Variants in ITIH6 observed in about 807,000 individuals in gnomAD.
The protein encoded by ITIH6 is inter-alpha-trypsin inhibitor heavy chain family member 6.
A neutral mutation model predicts 58.2 loss-of-function variants in ITIH6; 60 were observed. That is an observed-to-expected ratio of 1.03 (90% confidence interval 0.84 to 1.28). The LOEUF (loss-of-function observed/expected upper bound fraction) is 1.28, where lower values mean the gene tolerates loss of function less well. ITIH6 is among the 50% of genes most tolerant of loss of function. The pLI is 0.00. For synonymous variants in ITIH6, 493 were observed against 417.4 expected, an observed-to-expected ratio of 1.18 and a Z score of -2.21; for missense variants, 1,290 against 1,021.1, an observed-to-expected ratio of 1.26 and a Z score of -3.59.
chrX:54,790,915 C>T lies in ITIH6; in HGVS notation c.538G>A (p.Val180Met), dbSNP rs1184980318. 2 of 1,212,354 alleles carry T rather than the reference C, an allele frequency of 1.6e-6. No individual in the cohort carries two copies. The highest frequency in any genetic ancestry group is 3.5e-5 in the South Asian group (2 of 57,062). The change falls in exon 4 of 13, where the codon GTG becomes ATG. Residue 180 changes from valine to methionine, a missense_variant. Coordinates refer to ENST00000218436, the MANE Select transcript of ITIH6 (RefSeq NM_198510.3). ...LVKRLSIEVT[V>M]SERTGISYVH... ...TAGGAGATGCCTGTCCTTTCTGACA[C>T]TGTAACCTCTATGCTCAGCCTCTTC...
At chrX:54,786,943 C>T (rs1173348199) in intron 5 of ITIH6, among the ~76,000 whole-genome samples, 1 of 111,543 alleles carries the variant, frequency 9.0e-6, no homozygotes, top group Non-Finnish European at 1.9e-5. Context: ...ACGAAGGGCA[C>T]ACTCAAGTAG....
chrX:54,778,654 G>A (rs1929096545), intron 5 of ITIH6, among the ~76,000 whole-genome samples: 1 of 111,780 alleles, frequency 8.9e-6, no homozygotes, highest in Non-Finnish European at 1.9e-5. Flanking sequence ...GCCACAGATA[G>A]GCAAATCTAA....
chrX:54,749,613 TCG>T lies in ITIH6; in HGVS notation c.*280_*281del. On this transcript the variant is annotated 3_prime_UTR_variant, in exon 13 of 13. Transcript: ENST00000218436. Reference sequence around the variant, plus strand: ...GTGAGCAGAACTACTGATCATTTTTTCGTTTTACAAAAGTGGCTTGTAGGGCT... The same window carrying T: ...GTGAGCAGAACTACTGATCATTTTTTTTTTACAAAAGTGGCTTGTAGGGCT... 1 of 288,782 alleles carries T rather than the reference TCG, an allele frequency of 3.5e-6. No individual in the cohort carries two copies. The highest frequency in any genetic ancestry group is 6.1e-6 in the Non-Finnish European group (1 of 164,795). 23.8% of individuals were successfully genotyped at this position (288,782 alleles called of 1,213,427 possible).
chrX:54,782,808 T>C (rs1569544229), intron 5 of ITIH6, among the ~76,000 whole-genome samples: 2 of 112,074 alleles, frequency 1.8e-5, no homozygotes, highest in Non-Finnish European at 3.8e-5. Flanking sequence ...TTACAAAAAA[T>C]AGAGGATGAT....
At position 54,758,473 on chromosome X, in the gene ITIH6, T is replaced by C. The variant is rs1383962825; in HGVS notation, c.1601A>G (p.His534Arg). Reference protein sequence around the residue: ...GPKDQLLVAHHSEGATNNSQK... With the variant: ...GPKDQLLVAHRSEGATNNSQK... ...GCTGTTGTTGGTGGCCCCTTCACTG[T>C]GGTGGGCCACAAGAAGCTGATCCTT... is the stretch of plus-strand genomic sequence containing the variant. The change falls in exon 8 of 13, where the codon CAC (histidine) becomes CGC (arginine). Residue 534 changes from histidine (H) to arginine (R), a missense_variant. Physicochemically the swap from His to Arg is conservative, Grantham distance 29. Transcript: ENST00000218436. 7 of 1,208,457 alleles carry C rather than the reference T, an allele frequency of 5.8e-6. No homozygotes were observed. The highest frequency in any genetic ancestry group is 4.4e-5 in the Admixed American group (2 of 45,722).
At chrX:54,787,091 A>C (rs2147619054) in intron 5 of ITIH6, 1 of 111,824 alleles carries the variant, frequency 8.9e-6, no homozygotes, top group Non-Finnish European at 1.9e-5. Context: ...AATGGTAAAG[A>C]ATAAACCTGC....
chrX:54,754,925 C>T, intron 9 of ITIH6, 92 bp downstream of exon 9: 1 of 654,099 alleles, frequency 1.5e-6, no homozygotes, highest in South Asian at 2.7e-5. Context: ...TAATACATTA[C>T]TTCCCTCTGG....
rs768546778 is a variant in ITIH6 at position 54,765,582 on chromosome X, A to G, written c.904-5655T>C. On this transcript the variant is annotated intron_variant, in intron 6 of 12. Transcript: ENST00000218436. Reference sequence around the variant, plus strand: ...GATCAGATAGTTGTAGGTAAGCGGCATTATTTCTTTTCTTTTTTTTTTTTT... The same window carrying G: ...GATCAGATAGTTGTAGGTAAGCGGCGTTATTTCTTTTCTTTTTTTTTTTTT... Among the ~76,000 whole-genome samples the G allele has an allele frequency of 9.1e-4, 92 of 101,009 alleles. 1 individual carries two copies. The highest frequency in any genetic ancestry group is 3.0e-3 in the African/African-American group (83 of 27,802). 87.7% of individuals were successfully genotyped at this position (101,009 alleles called of 115,157 possible).
chrX:54,776,223 C>T (rs1336066097), intron 5 of ITIH6, among the ~76,000 whole-genome samples: 5 of 110,509 alleles, frequency 4.5e-5, no homozygotes, highest in Admixed American at 2.9e-4. Context: ...TGCCTGCATA[C>T]GGAGGGAGCA....
chrX:54,796,722 G>A (rs972652433), intron 2 of ITIH6, among the ~76,000 whole-genome samples: 20 of 110,627 alleles, frequency 1.8e-4, no homozygotes, highest in African/African-American at 6.6e-4. Context: ...AAGAAAGTGG[G>A]TTCTAATTTT....
In ITIH6 at chrX:54,759,916, G is replaced by A. The variant is rs1928600444; in HGVS notation, c.915C>T (p.Ala305=). 8.3e-7 allele frequency: 1 copy of A among 1,206,280 alleles called. No homozygotes were observed. Residue 305 remains alanine, a synonymous_variant, in exon 7 of 13, where the codon GCC becomes GCT. Coordinates refer to ENST00000218436, the MANE Select transcript of ITIH6 (RefSeq NM_198510.3). The stretch of plus-strand genomic sequence containing the variant: ...GAAGGTCACTGAGGATCACATTCAT[G>A]GCCGTTTTAGTCTGTGGGATATGGA... The part of the protein sequence containing the change: ...FGTKMEQTKT[A]MNVILSDLQA...
In ITIH6 at chrX:54,775,520, C is replaced by T. The variant is rs754943562; in HGVS notation, c.787-1323G>A. Among the ~76,000 whole-genome samples the T allele has an allele frequency of 1.4e-4, 16 of 111,547 alleles. No homozygotes were observed. In the South Asian group the frequency reaches 6.1e-3, roughly 42 times the overall value. On this transcript the variant is annotated intron_variant, in intron 5 of 12. Coordinates refer to ENST00000218436, the MANE Select transcript of ITIH6 (RefSeq NM_198510.3). The stretch of plus-strand genomic sequence containing the variant: ...AGGAAAGGAGGTCCTGCCTTGGACC[C>T]CATGCACTCCAAGTGCCCAGCCCCT...
intron 2 of ITIH6, among the ~76,000 whole-genome samples, chrX:54,794,239 G>A (rs1331317946): frequency 9.0e-6 from 1 of 110,603 alleles, no homozygotes; most frequent in African/African-American, 3.3e-5. Context: ...AGGACACTGG[G>A]GCCTCTGTGT....
intron 5 of ITIH6, among the ~76,000 whole-genome samples, chrX:54,786,806 C>T (rs1260189531): frequency 1.8e-5 from 2 of 111,528 alleles, no homozygotes; most frequent in Non-Finnish European, 3.8e-5. Context: ...CACTCAGAGA[C>T]GATAAGTAGG....
chrX:54,767,929 C>G (rs1268446050), intron 6 of ITIH6, among the ~76,000 whole-genome samples: 2 of 85,277 alleles, frequency 2.3e-5, no homozygotes, highest in East Asian at 3.6e-4. Context: ...GAGCTGAGTT[C>G]AATTCCTGGG....
chrX:54,795,044 C>T (rs1413525101), intron 2 of ITIH6, among the ~76,000 whole-genome samples: 1 of 111,916 alleles, frequency 8.9e-6, no homozygotes, highest in East Asian at 2.8e-4. Context: ...CTCAGATCCA[C>T]CACCACTGTC....
Position 54,798,231 on chromosome X carries a change from T to TC in ITIH6, c.-22dup, listed in dbSNP as rs756234389. 104 of 1,059,284 alleles carry TC rather than the reference T, an allele frequency of 9.8e-5. No homozygotes were observed. Among genetic ancestry groups the TC allele is most frequent in the Non-Finnish European group, 4.4e-5 (34 of 774,426 alleles). 87.3% of individuals were successfully genotyped at this position (1,059,284 alleles called of 1,213,427 possible). A position where few individuals can be genotyped will look rare whatever the true frequency, so the allele number is the denominator to read the frequency against. ...GACATGATGCCACCTCTGGCCTGGA[T>TC]CTGTTGTTCACATCCAGAAGATCTG... On this transcript the variant is annotated 5_prime_UTR_variant, in exon 1 of 13. Transcript: ENST00000218436.
chrX:54,776,820 T>G lies in ITIH6; in HGVS notation c.787-2623A>C, dbSNP rs761259176. ...TGCCCAGGTACTACATTGAGGGCCTTGGGTGAGACTCTGAGACTTGCTGGC... is the reference window on the plus strand; with the variant it reads ...TGCCCAGGTACTACATTGAGGGCCTGGGGTGAGACTCTGAGACTTGCTGGC... On this transcript the variant is annotated intron_variant, in intron 5 of 12. Coordinates refer to ENST00000218436, the MANE Select transcript of ITIH6 (RefSeq NM_198510.3). Among the ~76,000 whole-genome samples, 131 of 111,844 alleles carry G rather than the reference T, an allele frequency of 1.2e-3. 1 individual carries two copies. The highest frequency in any genetic ancestry group is 4.2e-3 in the African/African-American group (129 of 30,796).
At position 54,751,112 on chromosome X, in the gene ITIH6, G is replaced by A. The variant is rs1419533772; in HGVS notation, c.3621C>T (p.Phe1207=). ...LTLRLGPYLE[F]LVLRHRYRHP... Reference sequence around the variant, plus strand: ...GCCTGTAGCGGTGTCGGAGGACTAGGAACTCAAGGTAGGGCCCAAGGCGGA... The same window carrying A: ...GCCTGTAGCGGTGTCGGAGGACTAGAAACTCAAGGTAGGGCCCAAGGCGGA... The change falls in exon 12 of 13, where the codon TTC becomes TTT. Residue 1207 remains phenylalanine, a synonymous_variant. Coordinates refer to ENST00000218436, the MANE Select transcript of ITIH6 (RefSeq NM_198510.3). 2 of 1,208,477 alleles carry A rather than the reference G, an allele frequency of 1.7e-6. No homozygotes were observed. Among genetic ancestry groups the A allele is most frequent in the Non-Finnish European group, 2.2e-6 (2 of 893,878 alleles).
Sources: gnomAD v4.1 joint callset for allele counts (sites outside exome capture counted in the v4.1 genomes callset) on GRCh38, gnomAD v4.1.1 for gene constraint, MANE v1.5 for transcripts, NCBI Gene and HGNC (gene_info 2026-07-23, HGNC 2026-07-21) for gene names.